Variants in USH2A observed in about 807,000 individuals in gnomAD.
USH2A encodes Usher syndrome 2A (autosomal recessive, mild).
USH2A carries 443 observed loss-of-function variants against 538.9 expected under a neutral mutation model. The observed-to-expected ratio is 0.82, with a 90% confidence interval of 0.76 to 0.89. USH2A has a LOEUF of 0.89. USH2A is among the 40% of genes least tolerant of loss of function. USH2A has a pLI of 0.00. For synonymous variants in USH2A, 2,413 were observed against 2,273.5 expected (o/e 1.06, Z -1.75); for missense variants, 6,633 against 6,324.8 (o/e 1.05, Z -1.65).
At chr1:215,730,791 G>A (rs530241027) in intron 60 of USH2A, among the ~76,000 whole-genome samples, 3 of 152,108 alleles carry the variant, frequency 2.0e-5, no homozygotes, top group Non-Finnish European at 4.4e-5. Context: ...ATTATGGTTC[G>A]GCAGCCCACC....
At chr1:216,309,219 C>G (rs1034862979) in intron 9 of USH2A, among the ~76,000 whole-genome samples, 5 of 152,176 alleles carry the variant, frequency 3.3e-5, no homozygotes, top group African/African-American at 9.6e-5. Flanking sequence ...AAACAAGCAA[C>G]ACTAATGTGT....
At chr1:216,064,936 AG>A (rs1371920946) in intron 30 of USH2A, among the ~76,000 whole-genome samples, 1 of 152,222 alleles carries the variant, frequency 6.6e-6, no homozygotes, top group Non-Finnish European at 1.5e-5. Context: ...GAGACTTTGA[AG>A]GTTAAAACAT....
At chr1:216,210,416 G>A (rs995258904) in intron 15 of USH2A, among the ~76,000 whole-genome samples, 1 of 151,992 alleles carries the variant, frequency 6.6e-6, no homozygotes, top group Admixed American at 6.6e-5. Context: ...ATATGACCCT[G>A]TGATCAATCA....
intron 55 of USH2A, among the ~76,000 whole-genome samples, chr1:215,779,322 G>A (rs1423626351): frequency 6.6e-6 from 1 of 151,796 alleles, no homozygotes; most frequent in Non-Finnish European, 1.5e-5. Context: ...ATATTATTAA[G>A]GCTAATGATA....
At chr1:216,069,614 C>A (rs2031491713) in intron 30 of USH2A, among the ~76,000 whole-genome samples, 1 of 152,144 alleles carries the variant, frequency 6.6e-6, no homozygotes, top group Middle Eastern at 3.2e-3. Flanking sequence ...CTTCATGGCA[C>A]ACCACACTGT....
At chr1:216,041,117 C>T (rs2030256171) in intron 32 of USH2A, among the ~76,000 whole-genome samples, 1 of 151,920 alleles carries the variant, frequency 6.6e-6, no homozygotes, top group Non-Finnish European at 1.5e-5. Flanking sequence ...ACCAAGGTTA[C>T]TATGGTTACG....
chr1:215,994,137 T>C (rs1558200229), intron 34 of USH2A, among the ~76,000 whole-genome samples: 1 of 152,118 alleles, frequency 6.6e-6, no homozygotes, highest in Non-Finnish European at 1.5e-5. Context: ...TTAAAAATCT[T>C]TCAAAAGGCA....
At chr1:216,240,672 A>G (rs1051528495) in intron 13 of USH2A, among the ~76,000 whole-genome samples, 1 of 152,172 alleles carries the variant, frequency 6.6e-6, no homozygotes, top group African/African-American at 2.4e-5. Flanking sequence ...TGTAGACAAT[A>G]AAGACACTTC....
chr1:215,824,011 A>G (rs1370925358), intron 47 of USH2A, among the ~76,000 whole-genome samples: 1 of 152,100 alleles, frequency 6.6e-6, no homozygotes, highest in Non-Finnish European at 1.5e-5. Context: ...ACCTATCACC[A>G]TCTTGTTAGG....
rs1262121849 is a variant in USH2A, at chr1:215,836,563, ATAT to A, written c.9371+1425_9371+1427del. Among the ~76,000 whole-genome samples the A allele has an allele frequency of 5.3e-3, 155 of 29,484 alleles. 8 individuals are homozygous for A. The highest frequency in any genetic ancestry group is 0.025 in the Middle Eastern group (1 of 40). 19.3% of individuals were successfully genotyped at this position (29,484 alleles called of 152,430 possible). A position where few individuals can be genotyped will look rare whatever the true frequency, so the allele number is the denominator to read the frequency against. ...ATATAATATATATATATATATATAT[ATAT>A]TTTTTTTTGAGACAGAGTATCACTC... On this transcript the variant is annotated intron_variant, in intron 47 of 71. Transcript: ENST00000307340.
rs1426369789 is a variant in USH2A, at chr1:215,759,661, T to C, written c.11230A>G (p.Arg3744Gly). The change falls in exon 57 of 72, where the codon AGA becomes GGA. Residue 3744 changes from arginine (R) to glycine (G), a missense_variant and splice_region_variant. Coordinates refer to ENST00000307340, the MANE Select transcript of USH2A (RefSeq NM_206933.4). ...FTDKNLEPNS[R>G]YTYKLEVKTG... Reference sequence around the variant, plus strand: ...TGGTAAAGTTTTCTTTTAGTTTACCTGCTATTGGGCTCCAGGTTTTTATCA... The same window carrying C: ...TGGTAAAGTTTTCTTTTAGTTTACCCGCTATTGGGCTCCAGGTTTTTATCA... 6.8e-6 allele frequency: 11 copies of C among 1,613,842 alleles called. No homozygotes were observed. The Admixed American group carries it at 1.8e-4, about 27-fold the overall frequency.
At chr1:215,953,175 A>G (rs1666967563) in intron 37 of USH2A, among the ~76,000 whole-genome samples, 1 of 152,286 alleles carries the variant, frequency 6.6e-6, no homozygotes, top group African/African-American at 2.4e-5. Context: ...ATCCCCATCA[A>G]GCTACCAACG....
chr1:216,002,143 G>A (rs1668279263), intron 32 of USH2A, among the ~76,000 whole-genome samples: 1 of 152,114 alleles, frequency 6.6e-6, no homozygotes, highest in Non-Finnish European at 1.5e-5. Context: ...TTGGACCAAC[G>A]TTCTAGGAAA....
intron 41 of USH2A, among the ~76,000 whole-genome samples, chr1:215,879,967 G>T (rs1459742150): frequency 1.3e-5 from 2 of 152,110 alleles, no homozygotes; most frequent in Non-Finnish European, 2.9e-5. Flanking sequence ...TAAATGCCAG[G>T]ATATATATCT....
chr1:216,124,260 A>T (rs2033199927), intron 21 of USH2A, among the ~76,000 whole-genome samples: 1 of 151,972 alleles, frequency 6.6e-6, no homozygotes. Flanking sequence ...AGCTGAAAAC[A>T]CTGCGAATTC....
At chr1:216,379,663 AG>A (rs1256107326) in intron 3 of USH2A, among the ~76,000 whole-genome samples, 1 of 152,208 alleles carries the variant, frequency 6.6e-6, no homozygotes, top group Non-Finnish European at 1.5e-5. Flanking sequence ...GATTTCTCTG[AG>A]GAACTAGAGA....
chr1:215,657,039 T>C (rs567906372), intron 64 of USH2A, among the ~76,000 whole-genome samples: 1 of 152,362 alleles, frequency 6.6e-6, no homozygotes, highest in South Asian at 2.1e-4. Flanking sequence ...ATTAAAAAGG[T>C]CTTTCCAATA....
intron 14 of USH2A, among the ~76,000 whole-genome samples, chr1:216,230,363 C>A (rs373046486): frequency 1.3e-5 from 2 of 152,092 alleles, no homozygotes; most frequent in Admixed American, 6.5e-5. Flanking sequence ...TTTGTATACT[C>A]ATTTAGATGA....
At chr1:216,387,246 T>G (rs1489650927) in intron 3 of USH2A, among the ~76,000 whole-genome samples, 1 of 152,214 alleles carries the variant, frequency 6.6e-6, no homozygotes, top group East Asian at 1.9e-4. Flanking sequence ...AGTCAATGAC[T>G]TCTCACTTGC....
Sources: allele counts gnomAD v4.1 joint callset (sites outside exome capture counted in the v4.1 genomes callset), GRCh38; gene constraint gnomAD v4.1.1; transcripts MANE v1.5; gene names NCBI Gene and HGNC (gene_info 2026-07-23, HGNC 2026-07-21).